Variants in RPIA observed in about 807,000 individuals in gnomAD.
The protein encoded by RPIA is ribose-5-phosphate isomerase.
A neutral mutation model predicts 37.8 loss-of-function variants in RPIA; 29 were observed. The ratio of observed to expected loss-of-function variants is 0.77; its 90% CI spans 0.57 to 1.05. The LOEUF is 1.05. RPIA is among the 50% of genes least tolerant of loss of function. The probability of loss-of-function intolerance (pLI) is 0.00; values close to 1 mark genes in which losing one functional copy is unlikely to be tolerated. For missense variants in RPIA, 385 were observed against 413.6 expected (o/e 0.93, Z 0.60); for synonymous variants, 167 against 157.0 (o/e 1.06, Z -0.48).
intron 6 of RPIA, among the ~76,000 whole-genome samples, chr2:88,736,218 T>C (rs181272192): frequency 4.6e-5 from 7 of 152,362 alleles, no homozygotes; most frequent in Admixed American, 4.6e-4. Flanking sequence ...AAAGCACTTG[T>C]GCTGAGCATG....
intron 3 of RPIA, among the ~76,000 whole-genome samples, chr2:88,708,863 A>G (rs1458730549): frequency 2.0e-5 from 3 of 148,530 alleles, no homozygotes; most frequent in Admixed American, 6.8e-5. Context: ...TTCATGCCGT[A>G]CTCCTGCGTC....
intron 3 of RPIA, among the ~76,000 whole-genome samples, chr2:88,720,626 A>G (rs769038907): frequency 4.0e-5 from 6 of 149,476 alleles, no homozygotes; most frequent in Non-Finnish European, 8.9e-5. Flanking sequence ...TTAAATATAT[A>G]TTATTTAAAT....
At position 88,750,849 on chromosome 2, in the gene RPIA, G is replaced by T; in HGVS notation, c.*771G>T. Reference sequence around the variant, plus strand: ...TATTAATATTTTTCTCTGTTCCTTTGTTATTACTTGCATGGTTTGGCGTCA... The same window carrying T: ...TATTAATATTTTTCTCTGTTCCTTTTTTATTACTTGCATGGTTTGGCGTCA... On this transcript the variant is annotated 3_prime_UTR_variant, in exon 9 of 9. Coordinates refer to ENST00000283646, the MANE Select transcript of RPIA (RefSeq NM_144563.3). 1 of 397,498 alleles carries T rather than the reference G, an allele frequency of 2.5e-6. No individual in the cohort carries two copies. The highest frequency in any genetic ancestry group is 4.4e-6 in the Non-Finnish European group (1 of 225,586). 24.6% of individuals were successfully genotyped at this position (397,498 alleles called of 1,614,324 possible). A position where few individuals can be genotyped will look rare whatever the true frequency, so the allele number is the denominator to read the frequency against.
chr2:88,721,635 C>G (rs1366258106), intron 3 of RPIA, among the ~76,000 whole-genome samples: 3 of 142,958 alleles, frequency 2.1e-5, no homozygotes, highest in African/African-American at 7.6e-5. Flanking sequence ...GACTTGGAAC[C>G]AGCCCAAATG....
intron 3 of RPIA, among the ~76,000 whole-genome samples, chr2:88,714,159 G>GTTTTT (rs10701572): frequency 2.7e-5 from 4 of 149,634 alleles, no homozygotes; most frequent in African/African-American, 9.9e-5. Flanking sequence ...CTCATTTTTT[G>GTTTTT]TTTTTTTGTT....
intron 8 of RPIA, among the ~76,000 whole-genome samples, chr2:88,749,447 A>T (rs1673475634): frequency 6.6e-6 from 1 of 151,798 alleles, no homozygotes; most frequent in African/African-American, 2.4e-5. Flanking sequence ...TTCTATGGGG[A>T]TTCTGTCTTT....
At chr2:88,711,621 C>G (rs2104093409) in intron 3 of RPIA, among the ~76,000 whole-genome samples, 1 of 152,262 alleles carries the variant, frequency 6.6e-6, no homozygotes, top group South Asian at 2.1e-4. Context: ...TTAATTCTCC[C>G]CTGGGTCAAG....
intron 3 of RPIA, among the ~76,000 whole-genome samples, chr2:88,716,287 T>C (rs996952862): frequency 2.0e-5 from 3 of 152,184 alleles, no homozygotes; most frequent in African/African-American, 7.2e-5. Context: ...TGAACCTAGG[T>C]ACATCTGATA....
intron 3 of RPIA, among the ~76,000 whole-genome samples, chr2:88,702,490 C>G (rs545759237): frequency 7.5e-6 from 1 of 133,846 alleles, no homozygotes; most frequent in Non-Finnish European, 1.6e-5. Flanking sequence ...TCTCGTTTTA[C>G]GTGGATGGCA....
At chr2:88,698,659 C>G in intron 2 of RPIA, 115 bp downstream of exon 2, 1 of 933,516 alleles carries the variant, frequency 1.1e-6, no homozygotes, top group Non-Finnish European at 1.8e-6. Flanking sequence ...TTCAGCAGTA[C>G]AGAGCTGGAG....
At chr2:88,697,093 G>A (rs1406898380) in intron 1 of RPIA, among the ~76,000 whole-genome samples, 2 of 152,154 alleles carry the variant, frequency 1.3e-5, no homozygotes, top group African/African-American at 4.8e-5. Flanking sequence ...TACTTGCTTT[G>A]TTAACAGTTT....
chr2:88,733,952 G>A (rs1303163692), intron 4 of RPIA, among the ~76,000 whole-genome samples: 1 of 152,160 alleles, frequency 6.6e-6, no homozygotes, highest in Non-Finnish European at 1.5e-5. Context: ...GACAAGTGGG[G>A]TCTTAGTGGC....
At chr2:88,695,788 C>G (rs1172591398) in intron 1 of RPIA, among the ~76,000 whole-genome samples, 1 of 152,156 alleles carries the variant, frequency 6.6e-6, no homozygotes, top group East Asian at 1.9e-4. Context: ...TATTCAGTGC[C>G]TTTGGAACTG....
At chr2:88,734,643 A>G (rs770766790) in intron 5 of RPIA, 27 bp downstream of exon 5, 11 of 1,610,602 alleles carry the variant, frequency 6.8e-6, no homozygotes, top group Admixed American at 5.0e-5. Context: ...CTTCTGTGCT[A>G]AAGAGTATCT....
chr2:88,747,209 T>C (rs1433727329), intron 8 of RPIA, among the ~76,000 whole-genome samples: 1 of 152,044 alleles, frequency 6.6e-6, no homozygotes, highest in Admixed American at 6.5e-5. Context: ...TTCTGCGTCA[T>C]ACAGGCTGCC....
At chr2:88,747,866 G>C (rs867555089) in intron 8 of RPIA, among the ~76,000 whole-genome samples, 1 of 152,176 alleles carries the variant, frequency 6.6e-6, no homozygotes. Flanking sequence ...CAAAGGGTCT[G>C]TGAATTCTTT....
chr2:88,749,001 T>C (rs1438361804), intron 8 of RPIA, among the ~76,000 whole-genome samples: 4 of 152,230 alleles, frequency 2.6e-5, no homozygotes, highest in Non-Finnish European at 4.4e-5. Flanking sequence ...CCCAAAGTGC[T>C]GGGATTATAG....
intron 3 of RPIA, 67 bp from the exon 4 acceptor site, chr2:88,729,211 G>T (rs1673234865): frequency 7.7e-6 from 12 of 1,550,120 alleles, no homozygotes; most frequent in Non-Finnish European, 1.1e-5. Context: ...AAATCCAGAA[G>T]AATTCTGAGA....
intron 1 of RPIA, among the ~76,000 whole-genome samples, chr2:88,693,650 G>A (rs577504771): frequency 2.0e-4 from 31 of 152,338 alleles, no homozygotes; most frequent in Admixed American, 5.9e-4. Context: ...GTCACAGTGG[G>A]TCCTGCCCAG....
Sources: allele counts gnomAD v4.1 joint callset (sites outside exome capture counted in the v4.1 genomes callset), GRCh38; gene constraint gnomAD v4.1.1; transcripts MANE v1.5; gene names NCBI Gene and HGNC (gene_info 2026-07-23, HGNC 2026-07-21).